The following MEGF11 variants were observed in gnomAD, a reference collection of about 807,000 sequenced individuals.
The protein encoded by MEGF11 is multiple EGF like domains 11.
In MEGF11, 126 loss-of-function variants were observed where a neutral mutation model predicts 146.6. The observed-to-expected ratio is 0.86, with a 90% CI of 0.74 to 1.00. The LOEUF (loss-of-function observed/expected upper bound fraction) is 1.00. MEGF11 is among the 50% of genes least tolerant of loss of function. The probability of loss-of-function intolerance (pLI) is 0.00; values close to 1 mark genes in which losing one functional copy is unlikely to be tolerated. For missense variants in MEGF11, 1,509 were observed against 1,521.2 expected (o/e 0.99, Z 0.13); for synonymous variants, 532 against 583.4 (o/e 0.91, Z 1.27).
chr15:66,083,616 T>C (rs1181988148), intron 5 of MEGF11, among the ~76,000 whole-genome samples: 2 of 151,216 alleles, frequency 1.3e-5, no homozygotes, highest in Non-Finnish European at 2.9e-5. Flanking sequence ...AAAGAAAAAA[T>C]AGTTAAATTG....
At chr15:66,170,798 C>T (rs761005823) in intron 1 of MEGF11, among the ~76,000 whole-genome samples, 1 of 152,044 alleles carries the variant, frequency 6.6e-6, no homozygotes, top group Non-Finnish European at 1.5e-5. Flanking sequence ...ACAAGCACGG[C>T]CCTCAGCTGA....
intron 5 of MEGF11, among the ~76,000 whole-genome samples, chr15:66,033,172 G>A (rs1350964773): frequency 5.9e-5 from 9 of 151,858 alleles, no homozygotes; most frequent in Non-Finnish European, 8.8e-5. Context: ...GGTAGGTTTT[G>A]GAAATGGCAC....
At chr15:66,002,781 A>G (rs1316241167) in intron 5 of MEGF11, among the ~76,000 whole-genome samples, 1 of 152,080 alleles carries the variant, frequency 6.6e-6, no homozygotes, top group African/African-American at 2.4e-5. Flanking sequence ...AGAGTCCCAT[A>G]GGTGACTCAG....
intron 1 of MEGF11, among the ~76,000 whole-genome samples, chr15:66,179,136 T>TTTTGG (rs2090472798): frequency 6.6e-6 from 1 of 151,974 alleles, no homozygotes; most frequent in Non-Finnish European, 1.5e-5. Flanking sequence ...CTCTGTTTTG[T>TTTTGG]TTTGGTTTGT....
At chr15:66,245,823 C>T (rs989539577) in intron 1 of MEGF11, among the ~76,000 whole-genome samples, 1 of 152,164 alleles carries the variant, frequency 6.6e-6, no homozygotes, top group Admixed American at 6.5e-5. Context: ...CCCAAAGACA[C>T]ATGTCCCCCC....
chr15:66,208,928 C>A (rs142609308), intron 1 of MEGF11, among the ~76,000 whole-genome samples: 14 of 151,992 alleles, frequency 9.2e-5, no homozygotes, highest in Admixed American at 3.9e-4. Context: ...GCTAGAGTAG[C>A]TAAAAAACAA....
At chr15:65,915,076 A>G (rs900554819) in intron 19 of MEGF11, among the ~76,000 whole-genome samples, 2 of 152,194 alleles carry the variant, frequency 1.3e-5, no homozygotes, top group African/African-American at 4.8e-5. Context: ...GGGGAAGATG[A>G]TTAATCTACT....
intron 10 of MEGF11, among the ~76,000 whole-genome samples, chr15:65,931,380 T>C (rs1454357513): frequency 6.6e-6 from 1 of 152,154 alleles, no homozygotes; most frequent in Non-Finnish European, 1.5e-5. Context: ...AGGAACTGAA[T>C]TCTGTCCACA....
intron 10 of MEGF11, among the ~76,000 whole-genome samples, chr15:65,938,084 C>T (rs75263089): frequency 0.015 from 2,278 of 152,358 alleles, 30 homozygotes; most frequent in South Asian, 0.041. Context: ...AAGAATCCCA[C>T]CAGCTGTGGT....
chr15:65,935,607 G>A (rs926692773), intron 10 of MEGF11, among the ~76,000 whole-genome samples: 10 of 152,176 alleles, frequency 6.6e-5, no homozygotes, highest in African/African-American at 2.2e-4. Flanking sequence ...GAGAAGAGAA[G>A]AAACTCTTTG....
intron 4 of MEGF11, among the ~76,000 whole-genome samples, chr15:66,116,850 A>G (rs1199977506): frequency 6.6e-6 from 1 of 152,176 alleles, no homozygotes; most frequent in Non-Finnish European, 1.5e-5. Flanking sequence ...GCCATTTTAC[A>G]TGAATGAAAA....
chr15:66,122,786 T>TTTG (rs1356636446), intron 3 of MEGF11, among the ~76,000 whole-genome samples: 4 of 151,652 alleles, frequency 2.6e-5, no homozygotes, highest in Non-Finnish European at 5.9e-5. Context: ...TTTGTTTTGT[T>TTTG]TTGTTTTTTT....
At position 66,162,093 on chromosome 15, in the gene MEGF11, A is replaced by G. The variant is rs542482534; in HGVS notation, c.-8-33682T>C. 4.0e-4 allele frequency among the ~76,000 whole-genome samples: 61 copies of G among 152,278 alleles called. 1 individual carries two copies. The South Asian group carries it at 6.0e-3, about 15-fold the overall frequency. Reference sequence around the variant, plus strand: ...ACACTTGCTGCCAGCAACATGAAAAACAGTGAACCATGCGTGATAAGTGCC... The same window carrying G: ...ACACTTGCTGCCAGCAACATGAAAAGCAGTGAACCATGCGTGATAAGTGCC... On this transcript the variant is annotated intron_variant, in intron 1 of 25. Transcript: ENST00000395614.
At chr15:66,182,077 C>T (rs1261156817) in intron 1 of MEGF11, among the ~76,000 whole-genome samples, 1 of 152,170 alleles carries the variant, frequency 6.6e-6, no homozygotes, top group African/African-American at 2.4e-5. Context: ...TGGAACTCCT[C>T]CCATATTTCC....
At chr15:66,060,825 G>C (rs1328590672) in intron 5 of MEGF11, among the ~76,000 whole-genome samples, 2 of 152,244 alleles carry the variant, frequency 1.3e-5, no homozygotes, top group African/African-American at 2.4e-5. Flanking sequence ...AGGAATATGA[G>C]AGGAAAACTG....
At chr15:65,959,851 G>A (rs2080796450) in intron 9 of MEGF11, among the ~76,000 whole-genome samples, 1 of 152,186 alleles carries the variant, frequency 6.6e-6, no homozygotes. Context: ...CTTGCCCAAG[G>A]TCACATAGCT....
intron 5 of MEGF11, among the ~76,000 whole-genome samples, chr15:66,011,720 CTATTAT>C (rs55863629): frequency 0.63 from 93,585 of 149,332 alleles, 30,754 homozygotes; most frequent in Non-Finnish European, 0.73. Flanking sequence ...GGGAATTTAG[CTATTAT>C]TATTATTATT....
chr15:65,942,367 T>A (rs954560745), intron 10 of MEGF11, among the ~76,000 whole-genome samples: 7 of 152,184 alleles, frequency 4.6e-5, no homozygotes, highest in African/African-American at 1.4e-4. Flanking sequence ...AGGGAACTCT[T>A]AGGGGGCATT....
At chr15:66,237,330 C>CT (rs995102528) in intron 1 of MEGF11, among the ~76,000 whole-genome samples, 18 of 151,992 alleles carry the variant, frequency 1.2e-4, no homozygotes, top group African/African-American at 4.4e-4. Context: ...CTCACTCCCC[C>CT]CAACAAAAGA....
Sources: gnomAD v4.1 joint callset for allele counts (sites outside exome capture counted in the v4.1 genomes callset) on GRCh38, gnomAD v4.1.1 for gene constraint, MANE v1.5 for transcripts, NCBI Gene and HGNC (gene_info 2026-07-23, HGNC 2026-07-21) for gene names.